NAV3: variants seen among roughly 807,000 people sequenced by gnomAD.
The protein encoded by NAV3 is neuron navigator 3, also known as pore membrane and/or filament interacting like protein 1.
NAV3 carries 87 observed loss-of-function variants against 244.7 expected under a neutral mutation model. The observed-to-expected ratio is 0.36, with a 90% CI of 0.30 to 0.42. The LOEUF is 0.42. NAV3 is among the 20% of genes least tolerant of loss of function. The probability of loss-of-function intolerance (pLI) is 1.00; values close to 1 mark genes in which losing one functional copy is unlikely to be tolerated. For missense variants in NAV3, 2,663 were observed against 2,893.3 expected, an observed-to-expected ratio of 0.92 and a Z score of 1.83; for synonymous variants, 1,126 against 1,042.2, an observed-to-expected ratio of 1.08 and a Z score of -1.55.
chr12:77,862,603 C>T (rs1008434870), intron 1 of NAV3, among the ~76,000 whole-genome samples: 1 of 151,670 alleles, frequency 6.6e-6, no homozygotes, highest in Non-Finnish European at 1.5e-5. Context: ...GTAACCCTTC[C>T]CAGCAAGGTC....
At chr12:77,839,447 T>C (rs746666383) in intron 1 of NAV3, among the ~76,000 whole-genome samples, 1 of 152,214 alleles carries the variant, frequency 6.6e-6, no homozygotes, top group Non-Finnish European at 1.5e-5. Context: ...TGGAAAACTC[T>C]GACTTTTGGA....
intron 12 of NAV3, among the ~76,000 whole-genome samples, chr12:78,092,226 A>G (rs1328253160): frequency 1.3e-5 from 2 of 152,162 alleles, no homozygotes; most frequent in African/African-American, 4.8e-5. Flanking sequence ...GCGAAGAAAA[A>G]TAAATCTATG....
rs756119255 is a variant in NAV3 at position 78,140,298 on chromosome 12, A to G, written c.4647A>G (p.Leu1549=). The G allele has an allele frequency of 2.8e-5, 45 of 1,613,414 alleles. No homozygotes were observed. In the Admixed American group the frequency reaches 7.3e-4, roughly 26 times the overall value. Reference sequence around the variant, plus strand: ...TTTCTCCAGTTCATGGCTCTTCATTATCACTGGTGTCCAGCACTTCTTCTC... The same window carrying G: ...TTTCTCCAGTTCATGGCTCTTCATTGTCACTGGTGTCCAGCACTTCTTCTC... ...DSMEEVHGSS[L]SLVSSTSSLY... is the part of the protein sequence containing the mutation. The change falls in exon 20 of 40, where the codon TTA becomes TTG. Residue 1549 remains leucine (L), a synonymous_variant. Coordinates refer to ENST00000397909, the MANE Select transcript of NAV3 (RefSeq NM_001024383.2).
intron 2 of NAV3, among the ~76,000 whole-genome samples, chr12:77,754,136 T>C (rs1162388034): frequency 1.3e-5 from 2 of 152,164 alleles, no homozygotes; most frequent in African/African-American, 2.4e-5. Flanking sequence ...AGGCATCTCA[T>C]AATTTCATAT....
intron 31 of NAV3, 133 bp downstream of exon 31, chr12:78,185,831 T>C: frequency 1.4e-6 from 1 of 690,342 alleles, no homozygotes; most frequent in Non-Finnish European, 2.4e-6. Context: ...TAACATGTCA[T>C]ACAAACATGA....
intron 28 of NAV3, 32 bp downstream of exon 28, chr12:78,177,717 A>G (rs940298303): frequency 6.3e-7 from 1 of 1,582,878 alleles, no homozygotes; most frequent in Non-Finnish European, 8.6e-7. Flanking sequence ...GAATACTGCA[A>G]AGATCCAGGT....
Position 77,679,783 on chromosome 12 carries a change from C to T in NAV3, c.72+107517C>T, listed in dbSNP as rs191638488. On this transcript the variant is annotated intron_variant, in intron 2 of 8. Coordinates refer to the NAV3 transcript ENST00000550042. ...ACAAGATGCATTTGAGAAGCAAGAG[C>T]GATCAACAGTGTCAAGTGACCCAGA... Among the ~76,000 whole-genome samples the T allele has an allele frequency of 7.9e-5, 12 of 152,178 alleles. No individual in the cohort carries two copies. In the East Asian group the frequency reaches 2.3e-3, roughly 30 times the overall value.
intron 2 of NAV3, among the ~76,000 whole-genome samples, chr12:77,802,736 C>T (rs1165664635): frequency 6.6e-6 from 1 of 151,996 alleles, no homozygotes; most frequent in Non-Finnish European, 1.5e-5. Context: ...GATCTCGGCT[C>T]ACTGCAAGCC....
chr12:78,069,691 C>T (rs1952655479), intron 12 of NAV3, among the ~76,000 whole-genome samples: 1 of 151,924 alleles, frequency 6.6e-6, no homozygotes, highest in Non-Finnish European at 1.5e-5. Context: ...GAACAATTAG[C>T]AGAATCCTAT....
At chr12:77,879,684 T>A (rs1438740924) in intron 1 of NAV3, among the ~76,000 whole-genome samples, 1 of 7,174 alleles carries the variant, frequency 1.4e-4, no homozygotes. Flanking sequence ...AAACTCCATC[T>A]CAAAAAAAAA....
chr12:78,190,113 A>G lies in NAV3; in HGVS notation c.6185A>G (p.Lys2062Arg), dbSNP rs753113067. ...CTCTCAGGACCGAGTGGTACTGGAA[A>G]GACCTATTTGGCAAACAAACTTGCT... ...IILSGPSGTG[K>R]TYLANKLAEY... The change falls in exon 34 of 40, where the codon AAG becomes AGG. Residue 2062 changes from lysine (K) to arginine (R), a missense_variant. Transcript: ENST00000397909. 2.5e-6 allele frequency: 4 copies of G among 1,613,230 alleles called. No homozygotes were observed. Among genetic ancestry groups the G allele is most frequent in the South Asian group, 1.1e-5 (1 of 91,062 alleles).
intron 1 of NAV3, among the ~76,000 whole-genome samples, chr12:77,883,973 T>C (rs1257593231): frequency 6.6e-6 from 1 of 152,186 alleles, no homozygotes; most frequent in African/African-American, 2.4e-5. Flanking sequence ...TATATTATCC[T>C]GTTATAATTT....
intron 1 of NAV3, among the ~76,000 whole-genome samples, chr12:77,840,669 G>T (rs1875479544): frequency 6.6e-6 from 1 of 152,172 alleles, no homozygotes; most frequent in Non-Finnish European, 1.5e-5. Context: ...TAAAATTAAG[G>T]ATTATTACTA....
intron 2 of NAV3, among the ~76,000 whole-genome samples, chr12:77,812,676 G>A (rs1202979751): frequency 4.0e-5 from 6 of 151,888 alleles, no homozygotes; most frequent in Non-Finnish European, 7.4e-5. Context: ...GGGCGCTCCC[G>A]CCTGGCCTCC....
At chr12:77,990,968 G>A (rs1871341332) in intron 5 of NAV3, among the ~76,000 whole-genome samples, 1 of 152,118 alleles carries the variant, frequency 6.6e-6, no homozygotes, top group Admixed American at 6.5e-5. Flanking sequence ...CACTTATGGT[G>A]CTGGTTTGGT....
At chr12:77,737,114 A>G (rs1877367653) in intron 2 of NAV3, among the ~76,000 whole-genome samples, 1 of 149,998 alleles carries the variant, frequency 6.7e-6, no homozygotes, top group Admixed American at 6.6e-5. Context: ...CAGATGAGGG[A>G]GGCAGAGGGG....
Position 77,802,748 on chromosome 12 carries a change from C to T in NAV3, c.73-137571C>T, listed in dbSNP as rs11106741. On this transcript the variant is annotated intron_variant, in intron 2 of 8. Transcript: ENST00000550042. ...CTTGATCTCGGCTCACTGCAAGCCC[C>T]GCCTCCTGGGTTCACACCATTCTCC... Among the ~76,000 whole-genome samples, 193 of 152,162 alleles carry T rather than the reference C, an allele frequency of 1.3e-3. 1 individual carries two copies. The East Asian group carries it at 0.032, about 25-fold the overall frequency.
chr12:77,978,840 A>G (rs183029740), intron 5 of NAV3, among the ~76,000 whole-genome samples: 85 of 152,060 alleles, frequency 5.6e-4, no homozygotes, highest in African/African-American at 1.9e-3. Context: ...TCAGTCTAAT[A>G]AGATATAAAA....
At chr12:77,965,249 C>A (rs555040066) in intron 3 of NAV3, among the ~76,000 whole-genome samples, 3 of 152,254 alleles carry the variant, frequency 2.0e-5, no homozygotes, top group East Asian at 1.9e-4. Context: ...ATGTCATGAT[C>A]AAATTTTTAT....
Sources: allele counts gnomAD v4.1 joint callset (sites outside exome capture counted in the v4.1 genomes callset), GRCh38; gene constraint gnomAD v4.1.1; transcripts MANE v1.5; gene names NCBI Gene and HGNC (gene_info 2026-07-23, HGNC 2026-07-21).